NNMT: variants seen among roughly 807,000 people sequenced by gnomAD.
NNMT encodes nicotinamide N-methyltransferase.
In NNMT, 10 loss-of-function variants were observed where a neutral mutation model predicts 11.7. That is an observed-to-expected ratio of 0.85 (90% CI 0.53 to 1.45). The LOEUF (loss-of-function observed/expected upper bound fraction) is 1.45, where lower values mean the gene tolerates loss of function less well. Among genes scored for constraint, NNMT ranks in the 40% most tolerant of loss-of-function variants. The pLI is 0.00. For synonymous variants in NNMT, 143 were observed against 133.8 expected, an observed-to-expected ratio of 1.07 and a Z score of -0.48; for missense variants, 381 against 319.4, an observed-to-expected ratio of 1.19 and a Z score of -1.47.
chr11:114,296,547 G>T lies in NNMT; in HGVS notation c.-10G>T. The T allele has an allele frequency of 6.2e-7, 1 of 1,613,404 alleles. No homozygotes were observed. The highest frequency in any genetic ancestry group is 1.7e-5 in the Admixed American group (1 of 60,018). On this transcript the variant is annotated 5_prime_UTR_variant, in exon 1 of 3. Coordinates refer to ENST00000299964, the MANE Select transcript of NNMT (RefSeq NM_006169.3). ...AGGGCAGTGCTCCAGTGGTACAGAAGTGAGACATAATGGAATCAGGCTTCA... is the reference window on the plus strand; with the variant it reads ...AGGGCAGTGCTCCAGTGGTACAGAATTGAGACATAATGGAATCAGGCTTCA...
rs1438659695 is a variant in NNMT at position 114,313,257 on chromosome 11, T to C, written c.*780T>C. ...GCTTTGGGAGGCTGAGGCAGACAGATTGCTTGAGCTCAGAAGTTCGAGACT... is the reference window on the plus strand; with the variant it reads ...GCTTTGGGAGGCTGAGGCAGACAGACTGCTTGAGCTCAGAAGTTCGAGACT... On this transcript the variant is annotated 3_prime_UTR_variant, in exon 3 of 3. Transcript: ENST00000299964. The C allele has an allele frequency of 2.0e-5, 3 of 152,188 alleles. No homozygotes were observed. Among genetic ancestry groups the C allele is most frequent in the Non-Finnish European group, 2.9e-5 (2 of 68,044 alleles). 9.4% of individuals were successfully genotyped at this position (152,188 alleles called of 1,614,324 possible).
At chr11:114,287,737 T>C (rs1945309098) in intron 2 of NNMT, among the ~76,000 whole-genome samples, 1 of 152,220 alleles carries the variant, frequency 6.6e-6, no homozygotes, top group Admixed American at 6.5e-5. Flanking sequence ...GGCACTGTCA[T>C]ATAAATTTTA....
At chr11:114,305,921 C>T (rs112149532) in intron 2 of NNMT, among the ~76,000 whole-genome samples, 19,142 of 151,970 alleles carry the variant, frequency 0.13, 1,297 homozygotes, top group Non-Finnish European at 0.16. Flanking sequence ...GAGGAATCAC[C>T]ACACTGACTT....
At chr11:114,258,581 G>A (rs1389057537) in intron 1 of NNMT, among the ~76,000 whole-genome samples, 1 of 152,238 alleles carries the variant, frequency 6.6e-6, no homozygotes, top group South Asian at 2.1e-4. Flanking sequence ...CTTCAGCCCA[G>A]ACCCTCTGTC....
At chr11:114,299,632 GA>G (rs1945418198) in intron 2 of NNMT, among the ~76,000 whole-genome samples, 1 of 152,138 alleles carries the variant, frequency 6.6e-6, no homozygotes, top group Admixed American at 6.6e-5. Context: ...ATTTACCAGC[GA>G]AGCCAGGTGA....
At chr11:114,270,765 A>G (rs773927113) in intron 2 of NNMT, among the ~76,000 whole-genome samples, 39 of 148,446 alleles carry the variant, frequency 2.6e-4, no homozygotes, top group Non-Finnish European at 5.3e-4. Flanking sequence ...ACTTCATATA[A>G]CCCTAGTTAC....
intron 2 of NNMT, among the ~76,000 whole-genome samples, chr11:114,291,365 A>G (rs922647092): frequency 6.6e-6 from 1 of 152,196 alleles, no homozygotes; most frequent in Admixed American, 6.5e-5. Context: ...TGCAAATTGG[A>G]CAGATTTACA....
chr11:114,302,192 G>A (rs1351796886), intron 2 of NNMT, among the ~76,000 whole-genome samples: 1 of 151,910 alleles, frequency 6.6e-6, no homozygotes, highest in African/African-American at 2.4e-5. Context: ...CTACCATCTT[G>A]GTATATGATT....
chr11:114,300,558 A>T (rs369557745), intron 2 of NNMT, among the ~76,000 whole-genome samples: 8 of 151,658 alleles, frequency 5.3e-5, no homozygotes, highest in African/African-American at 1.7e-4. Context: ...GTATCATTCA[A>T]ATTTTCTACA....
chr11:114,269,250 A>G (rs750902854), intron 2 of NNMT, among the ~76,000 whole-genome samples: 20 of 152,148 alleles, frequency 1.3e-4, no homozygotes, highest in Non-Finnish European at 2.5e-4. Context: ...TTTCTCTTCT[A>G]TCTTTCTTAC....
intron 2 of NNMT, among the ~76,000 whole-genome samples, chr11:114,298,971 T>C (rs189422944): frequency 6.6e-6 from 1 of 152,358 alleles, no homozygotes; most frequent in East Asian, 1.9e-4. Context: ...CATTCACTCC[T>C]GGAGCAACAT....
Position 114,313,536 on chromosome 11 carries a change from A to G in NNMT, c.*1059A>G, listed in dbSNP as rs1245711348. On this transcript the variant is annotated 3_prime_UTR_variant, in exon 3 of 3. Coordinates refer to ENST00000299964, the MANE Select transcript of NNMT (RefSeq NM_006169.3). ...AAATAAAGTGAATTGTTACATGTAA[A>G]GGACCTAGAATATTGCATGGTGCTT... is the stretch of plus-strand genomic sequence containing the variant. Among the ~76,000 whole-genome samples, 1 of 152,206 alleles carries G rather than the reference A, an allele frequency of 6.6e-6. No homozygotes were observed. Among genetic ancestry groups the G allele is most frequent in the Non-Finnish European group, 1.5e-5 (1 of 68,034 alleles).
chr11:114,296,843 A>G lies in NNMT; in HGVS notation c.154+133A>G. The G allele has an allele frequency of 1.8e-5, 15 of 831,384 alleles. No homozygotes were observed. The South Asian group carries it at 2.5e-4, about 14-fold the overall frequency. 51.5% of individuals were successfully genotyped at this position (831,384 alleles called of 1,614,324 possible). A position where few individuals can be genotyped will look rare whatever the true frequency, so the allele number is the denominator to read the frequency against. ...CATCACCCATTTATTTAACTAGGATAAAAACGAATATTGGTATAGCGATTC... is the reference window on the plus strand; with the variant it reads ...CATCACCCATTTATTTAACTAGGATGAAAACGAATATTGGTATAGCGATTC... On this transcript the variant is annotated intron_variant, in intron 1 of 2. Transcript: ENST00000299964.
chr11:114,287,744 T>G (rs73566509), intron 2 of NNMT, among the ~76,000 whole-genome samples: 2,435 of 152,280 alleles, frequency 0.016, 55 homozygotes, highest in African/African-American at 0.055. Context: ...TCATATAAAT[T>G]TTAGAGCCAG....
chr11:114,294,827 G>A (rs1399286551), upstream of NNMT, among the ~76,000 whole-genome samples: 1 of 152,194 alleles, frequency 6.6e-6, no homozygotes, highest in Non-Finnish European at 1.5e-5. Flanking sequence ...GCCTGGCTGG[G>A]TAGAATAAAT....
At chr11:114,268,904 G>A (rs189177602) in intron 2 of NNMT, among the ~76,000 whole-genome samples, 54 of 152,186 alleles carry the variant, frequency 3.5e-4, no homozygotes, top group Non-Finnish European at 6.2e-4. Flanking sequence ...GTCCAGTTTC[G>A]TAGTTGTTTA....
chr11:114,312,471 C>T lies in NNMT; in HGVS notation c.789C>T (p.Pro263=), dbSNP rs1329627550. Residue 263 remains proline, a synonymous_variant, in exon 3 of 3, where the codon CCC becomes CCT. Transcript: ENST00000299964. ...FSLVARKLSR[P]L ...TGGTGGCGAGGAAGCTGAGCAGACC[C>T]CTGTGATGCCTGTGACCTCAATTAA... is the stretch of plus-strand genomic sequence containing the variant. The T allele has an allele frequency of 6.2e-7, 1 of 1,611,496 alleles. No individual in the cohort carries two copies. The highest frequency in any genetic ancestry group is 8.5e-7 in the Non-Finnish European group (1 of 1,178,448).
chr11:114,265,405 A>G (rs749486972), intron 2 of NNMT, among the ~76,000 whole-genome samples: 7 of 151,978 alleles, frequency 4.6e-5, no homozygotes, highest in Non-Finnish European at 1.0e-4. Context: ...GGCTCACCCC[A>G]TCATCTTCTT....
chr11:114,272,529 G>T (rs1057029910), intron 2 of NNMT, among the ~76,000 whole-genome samples: 5 of 152,172 alleles, frequency 3.3e-5, no homozygotes, highest in Non-Finnish European at 7.3e-5. Context: ...TTGATACATG[G>T]TCCATGGTGG....
Sources: gnomAD v4.1 joint callset for allele counts (sites outside exome capture counted in the v4.1 genomes callset) on GRCh38, gnomAD v4.1.1 for gene constraint, MANE v1.5 for transcripts, NCBI Gene and HGNC (gene_info 2026-07-23, HGNC 2026-07-21) for gene names.